ESRRB: variants seen among roughly 807,000 people sequenced by gnomAD.
ESRRB encodes the protein estrogen related receptor beta, also known as steroid hormone receptor ERR2.
A neutral mutation model predicts 46.0 loss-of-function variants in ESRRB; 16 were observed. The observed-to-expected ratio is 0.35, with a 90% CI of 0.24 to 0.53. ESRRB has a LOEUF of 0.53. ESRRB is among the 20% of genes least tolerant of loss of function. ESRRB has a pLI of 0.93. For missense variants in ESRRB, 488 were observed against 607.4 expected (o/e 0.80, Z 2.07); for synonymous variants, 246 against 259.6 (o/e 0.95, Z 0.50).
chr14:76,480,056 T>C (rs1595160211), intron 3 of ESRRB, among the ~76,000 whole-genome samples: 1 of 152,022 alleles, frequency 6.6e-6, no homozygotes, highest in South Asian at 2.1e-4. Flanking sequence ...TTGGTAGAGA[T>C]GGGGTTTCGC....
intron 2 of ESRRB, among the ~76,000 whole-genome samples, chr14:76,456,224 G>A (rs912119858): frequency 2.6e-5 from 4 of 152,052 alleles, no homozygotes; most frequent in African/African-American, 2.4e-5. Context: ...TTCTTATCTG[G>A]ATCCCTTGCT....
intron 1 of ESRRB, among the ~76,000 whole-genome samples, chr14:76,393,679 C>T (rs1885556480): frequency 6.6e-6 from 1 of 152,178 alleles, no homozygotes; most frequent in Non-Finnish European, 1.5e-5. Context: ...AGCAGGTGCC[C>T]ATGTCCAGCA....
chr14:76,473,451 C>G (rs867392615), intron 3 of ESRRB, among the ~76,000 whole-genome samples: 2 of 152,206 alleles, frequency 1.3e-5, no homozygotes, highest in Non-Finnish European at 2.9e-5. Flanking sequence ...GCCTTTCCCT[C>G]GCCTGCCCTG....
intron 1 of ESRRB, among the ~76,000 whole-genome samples, chr14:76,378,283 G>A (rs1884862320): frequency 6.6e-6 from 1 of 152,212 alleles, no homozygotes; most frequent in Non-Finnish European, 1.5e-5. Flanking sequence ...AGGAAAGCAA[G>A]GAGTGAGATG....
At chr14:76,396,906 G>A (rs1356013312) in intron 1 of ESRRB, among the ~76,000 whole-genome samples, 1 of 152,216 alleles carries the variant, frequency 6.6e-6, no homozygotes, top group African/African-American at 2.4e-5. Flanking sequence ...GGCCGAGGGA[G>A]TCGCTGGAGG....
rs140219312 is a variant in ESRRB at position 76,483,330 on chromosome 14, T to C, written c.850+571T>C. ...TTGATGTGAGCATGAAATGAGATCC[T>C]GTGTGTGAAGTGTTCGGCACAGTGT... On this transcript the variant is annotated intron_variant, in intron 5 of 6. Transcript: ENST00000644823. Among the ~76,000 whole-genome samples, 148 of 152,348 alleles carry C rather than the reference T, an allele frequency of 9.7e-4. 2 individuals are homozygous for C. The East Asian group carries it at 0.023, about 23-fold the overall frequency.
intron 1 of ESRRB, among the ~76,000 whole-genome samples, chr14:76,406,445 TTG>T (rs1336880828): frequency 2.6e-5 from 4 of 152,160 alleles, no homozygotes; most frequent in African/African-American, 9.7e-5. Context: ...AAATGTCACA[TTG>T]GTTAAAACAG....
chr14:76,354,239 C>A (rs1884351235), intron 1 of ESRRB, among the ~76,000 whole-genome samples: 1 of 136,006 alleles, frequency 7.4e-6, no homozygotes. Flanking sequence ...CCCCCCCACC[C>A]ACACTTCCAC....
chr14:76,445,194 G>T (rs535534680), intron 2 of ESRRB, among the ~76,000 whole-genome samples: 269 of 149,504 alleles, frequency 1.8e-3, no homozygotes, highest in African/African-American at 6.4e-3. Flanking sequence ...AAGCGGCCGG[G>T]TGCGATGGCT....
intron 3 of ESRRB, among the ~76,000 whole-genome samples, chr14:76,475,029 G>A (rs532161874): frequency 3.6e-4 from 55 of 152,200 alleles, no homozygotes; most frequent in Non-Finnish European, 6.0e-4. Context: ...AGGAGTTCGA[G>A]ACCAGCCTGG....
At chr14:76,490,550 T>A (rs980404568) in intron 5 of ESRRB, among the ~76,000 whole-genome samples, 1 of 152,190 alleles carries the variant, frequency 6.6e-6, no homozygotes, top group African/African-American at 2.4e-5. Flanking sequence ...GAAGCTAAGG[T>A]TTGGAGAAGT....
chr14:76,379,896 G>A (rs1884939787), intron 1 of ESRRB, among the ~76,000 whole-genome samples: 1 of 150,102 alleles, frequency 6.7e-6, no homozygotes, highest in Non-Finnish European at 1.5e-5. Context: ...AAACAACCTG[G>A]CCACAAAACA....
intron 1 of ESRRB, among the ~76,000 whole-genome samples, chr14:76,356,314 G>A (rs192333416): frequency 6.6e-5 from 10 of 152,284 alleles, no homozygotes; most frequent in African/African-American, 1.2e-4. Flanking sequence ...CAGGTTTATG[G>A]GATGTGCTTG....
At chr14:76,433,164 C>T (rs960980536) in intron 1 of ESRRB, among the ~76,000 whole-genome samples, 8 of 152,122 alleles carry the variant, frequency 5.3e-5, no homozygotes, top group East Asian at 3.9e-4. Context: ...CAAAATATGA[C>T]GTCAGTGGGA....
chr14:76,455,868 C>A (rs56030891), intron 2 of ESRRB, among the ~76,000 whole-genome samples: 8,288 of 151,942 alleles, frequency 0.055, 720 homozygotes, highest in African/African-American at 0.19. Context: ...ACCTGGAGAA[C>A]TCCTGTCTCT....
At chr14:76,452,229 T>C (rs1481842110) in intron 2 of ESRRB, among the ~76,000 whole-genome samples, 3 of 152,006 alleles carry the variant, frequency 2.0e-5, no homozygotes, top group Non-Finnish European at 4.4e-5. Context: ...TGTGAGCCAT[T>C]ACATCCGGCC....
At position 76,498,654 on chromosome 14, in the gene ESRRB, C is replaced by CA; in HGVS notation, c.*197dup. 1 of 849,796 alleles carries CA rather than the reference C, an allele frequency of 1.2e-6. No homozygotes were observed. Among genetic ancestry groups the CA allele is most frequent in the Non-Finnish European group, 1.7e-6 (1 of 583,280 alleles). The allele number at this position is 849,796 out of a possible 1,614,324, so 52.6% of individuals were successfully genotyped here. The stretch of plus-strand genomic sequence containing the variant: ...GGGGTGGGGGACGGGGATGGGGGGG[C>CA]AGGGGTGTGGGGCTCGACTGTAACT... On this transcript the variant is annotated 3_prime_UTR_variant, in exon 7 of 7. Transcript: ENST00000644823.
Position 76,378,193 on chromosome 14 carries a change from G to A in ESRRB, c.50+1742G>A, listed in dbSNP as rs1238959821. On this transcript the variant is annotated intron_variant, in intron 1 of 6. Coordinates refer to ENST00000644823, the MANE Select transcript of ESRRB (RefSeq NM_001379180.1). ...CTTTAGTTGAGCACGAAATACTTAT[G>A]TATTTGTCCCTGGCTCAAGTCATAG... is the stretch of plus-strand genomic sequence containing the variant. Among the ~76,000 whole-genome samples the A allele has an allele frequency of 2.0e-5, 3 of 152,186 alleles. No homozygotes were observed. In the East Asian group the frequency reaches 5.8e-4, roughly 29 times the overall value.
chr14:76,490,961 T>C (rs995393706), intron 5 of ESRRB, among the ~76,000 whole-genome samples: 1 of 152,144 alleles, frequency 6.6e-6, no homozygotes, highest in Non-Finnish European at 1.5e-5. Flanking sequence ...CGTGGGTCTC[T>C]GCACAGCTGA....
Sources: gnomAD v4.1 joint callset for allele counts (sites outside exome capture counted in the v4.1 genomes callset) on GRCh38, gnomAD v4.1.1 for gene constraint, MANE v1.5 for transcripts, NCBI Gene and HGNC (gene_info 2026-07-23, HGNC 2026-07-21) for gene names.